The following TSNARE1 variants were observed in gnomAD, a reference collection of about 807,000 sequenced individuals.
TSNARE1 encodes t-SNARE domain-containing protein 1.
TSNARE1 carries 49 observed loss-of-function variants against 62.0 expected under a neutral mutation model. That is an observed-to-expected ratio of 0.79 (90% confidence interval 0.63 to 1.00). TSNARE1 has a LOEUF of 1.00. Among genes scored for constraint, TSNARE1 ranks in the 50% least tolerant of loss-of-function variants. The pLI, the probability that TSNARE1 is intolerant of heterozygous loss-of-function variation, is 0.00. For synonymous variants in TSNARE1, 328 were observed against 294.4 expected, an observed-to-expected ratio of 1.11 and a Z score of -1.17; for missense variants, 755 against 700.1, an observed-to-expected ratio of 1.08 and a Z score of -0.88.
intron 12 of TSNARE1, among the ~76,000 whole-genome samples, chr8:142,250,443 G>A (rs1818107908): frequency 6.6e-6 from 1 of 152,152 alleles, no homozygotes; most frequent in African/African-American, 2.4e-5. Context: ...CGGCGTGGGG[G>A]CTGAGCCAGG....
chr8:142,314,628 C>T (rs1450096827), intron 8 of TSNARE1, among the ~76,000 whole-genome samples, 188 bp from the exon 9 acceptor site: 1 of 152,194 alleles, frequency 6.6e-6, no homozygotes, highest in African/African-American at 2.4e-5. Flanking sequence ...TCTGTCCATG[C>T]CACTCCCAGA....
intron 1 of TSNARE1, among the ~76,000 whole-genome samples, chr8:142,401,347 A>G (rs1216153977): frequency 6.6e-6 from 1 of 152,162 alleles, no homozygotes; most frequent in Non-Finnish European, 1.5e-5. Context: ...CGGGAGTGCC[A>G]GGGCATTCCA....
chr8:142,335,950 C>T (rs1040218769), intron 4 of TSNARE1, among the ~76,000 whole-genome samples: 2 of 152,148 alleles, frequency 1.3e-5, no homozygotes, highest in African/African-American at 2.4e-5. Context: ...CTGCTTTCAC[C>T]ATTCCCACCA....
At chr8:142,345,016 C>T (rs528818865) in intron 3 of TSNARE1, among the ~76,000 whole-genome samples, 2 of 152,352 alleles carry the variant, frequency 1.3e-5, no homozygotes, top group Non-Finnish European at 2.9e-5. Context: ...CCCTCCCGCA[C>T]TTGGGCTGAG....
rs542358867 is a variant in TSNARE1 at position 142,345,453 on chromosome 8, C to A, written c.238+290G>T. On this transcript the variant is annotated intron_variant, in intron 3 of 13. Coordinates refer to ENST00000524325, the MANE Select transcript of TSNARE1 (RefSeq NM_145003.5). ...AGTCGGGCTTGAGGGTGAGGGGCCA[C>A]AAGAGCAGGTCCAGAGCCCCCAGCG... 5.2e-4 allele frequency among the ~76,000 whole-genome samples: 79 copies of A among 152,330 alleles called. 4 individuals are homozygous for A. The South Asian group carries it at 0.016, about 31-fold the overall frequency.
intron 1 of TSNARE1, among the ~76,000 whole-genome samples, chr8:142,400,776 G>A (rs1454775626): frequency 6.6e-6 from 1 of 152,224 alleles, no homozygotes; most frequent in Admixed American, 6.5e-5. Flanking sequence ...TGTCTGGGCT[G>A]AACAAATGAC....
intron 6 of TSNARE1, among the ~76,000 whole-genome samples, chr8:142,321,198 C>T (rs1404655596): frequency 2.0e-5 from 3 of 152,130 alleles, no homozygotes; most frequent in African/African-American, 7.2e-5. Flanking sequence ...ACAGAGGGGC[C>T]ACCTTCCATG....
chr8:142,324,064 G>A (rs11988315), intron 6 of TSNARE1, among the ~76,000 whole-genome samples: 63,203 of 152,044 alleles, frequency 0.42, 13,949 homozygotes, highest in East Asian at 0.55. Flanking sequence ...TTGAGAGAGC[G>A]GGCCCATCTC....
chr8:142,357,356 C>T (rs1834825895), intron 1 of TSNARE1, among the ~76,000 whole-genome samples: 1 of 152,214 alleles, frequency 6.6e-6, no homozygotes, highest in Admixed American at 6.5e-5. Flanking sequence ...GGAAGCGGCT[C>T]AAGGGGGCTC....
chr8:142,349,565 GGGGCCA>G, intron 2 of TSNARE1, among the ~76,000 whole-genome samples: 1 of 152,200 alleles, frequency 6.6e-6, no homozygotes, highest in Non-Finnish European at 1.5e-5. Flanking sequence ...GGGGAAGCCA[GGGGCCA>G]TATCTCTGCA....
At chr8:142,391,825 T>C (rs1837556087) in intron 1 of TSNARE1, among the ~76,000 whole-genome samples, 1 of 152,186 alleles carries the variant, frequency 6.6e-6, no homozygotes, top group Admixed American at 6.5e-5. Context: ...GGCTCACCCT[T>C]GGCATGTGTG....
chr8:142,342,916 C>T (rs1049999922), intron 4 of TSNARE1, among the ~76,000 whole-genome samples: 2 of 151,748 alleles, frequency 1.3e-5, no homozygotes, highest in South Asian at 2.1e-4. Context: ...GGAGCTCAGA[C>T]GCCGTGCCTA....
chr8:142,359,347 G>A (rs1450348484), intron 1 of TSNARE1, among the ~76,000 whole-genome samples: 2 of 152,072 alleles, frequency 1.3e-5, no homozygotes, highest in African/African-American at 2.4e-5. Context: ...CCTCACCCAC[G>A]CTGGCCCGGT....
chr8:142,252,404 C>G (rs1191290471), intron 12 of TSNARE1, among the ~76,000 whole-genome samples: 1 of 152,188 alleles, frequency 6.6e-6, no homozygotes, highest in Non-Finnish European at 1.5e-5. Context: ...CCTCTCTGAG[C>G]CTCTCTTTCC....
intron 12 of TSNARE1, among the ~76,000 whole-genome samples, chr8:142,233,555 G>A (rs754008242): frequency 8.5e-5 from 13 of 152,206 alleles, no homozygotes; most frequent in African/African-American, 3.1e-4. Flanking sequence ...GGGCCAGGAG[G>A]GGCCGGTGTG....
chr8:142,272,739 G>C, intron 12 of TSNARE1: 1 of 970,060 alleles, frequency 1.0e-6, no homozygotes, highest in Non-Finnish European at 1.2e-6. Context: ...AGGGCCCCTT[G>C]CAGGTAGGAG....
At chr8:142,399,825 G>A (rs1838155386) in intron 1 of TSNARE1, among the ~76,000 whole-genome samples, 1 of 152,198 alleles carries the variant, frequency 6.6e-6, no homozygotes, top group Admixed American at 6.5e-5. Flanking sequence ...TGGGCCACAA[G>A]GTCAAAGTCT....
intron 13 of TSNARE1, among the ~76,000 whole-genome samples, chr8:142,224,281 G>A (rs189367219): frequency 7.9e-5 from 12 of 152,280 alleles, no homozygotes; most frequent in East Asian, 5.8e-4. Context: ...TGCGGCAGGC[G>A]GGCTTTGCCC....
At chr8:142,305,029 A>G (rs1033013963) in intron 9 of TSNARE1, among the ~76,000 whole-genome samples, 1 of 152,142 alleles carries the variant, frequency 6.6e-6, no homozygotes, top group African/African-American at 2.4e-5. Context: ...GTGCCCGAGG[A>G]CGGAGATGTA....
Sources: allele counts gnomAD v4.1 joint callset (sites outside exome capture counted in the v4.1 genomes callset), GRCh38; gene constraint gnomAD v4.1.1; transcripts MANE v1.5; gene names NCBI Gene and HGNC (gene_info 2026-07-23, HGNC 2026-07-21).